TRERF1: variants seen among roughly 807,000 people sequenced by gnomAD.
TRERF1 encodes the protein transcriptional-regulating factor 1.
TRERF1 carries 27 observed loss-of-function variants against 122.9 expected under a neutral mutation model. That is an observed-to-expected ratio of 0.22 (90% confidence interval 0.16 to 0.30). The LOEUF is 0.30. Ranked by LOEUF, TRERF1 falls within the 10% of genes least tolerant of loss-of-function variation. The pLI is 1.00. For missense variants in TRERF1, 1,248 were observed against 1,560.3 expected (o/e 0.80, Z 3.37); for synonymous variants, 636 against 641.7 (o/e 0.99, Z 0.13).
chr6:42,396,718 T>C (rs1177970161), intron 2 of TRERF1, among the ~76,000 whole-genome samples: 1 of 152,144 alleles, frequency 6.6e-6, no homozygotes, highest in African/African-American at 2.4e-5. Context: ...AGAGAACATA[T>C]ATAACTTGGG....
rs369912575 is a variant in TRERF1 at position 42,259,157 on chromosome 6, C to T, written c.2269+182G>A. ...ATGCATCTGTCTCCCAATTAGACTG[C>T]GATTCCCTTGAGGATAAGGGCTATG... On this transcript the variant is annotated intron_variant, in intron 9 of 17. Coordinates refer to ENST00000372922, the Ensembl canonical transcript of TRERF1. This position sits in a 1 kb window ranked among gnomAD's most constrained non-coding sequence, Gnocchi z 4.9. Among the ~76,000 whole-genome samples the T allele has an allele frequency of 1.4e-4, 21 of 152,280 alleles. 2 individuals are homozygous for T. Among genetic ancestry groups the T allele is most frequent in the African/African-American group, 1.7e-4 (7 of 41,546 alleles).
Position 42,228,589 on chromosome 6 carries a change from T to C in TRERF1, c.3359A>G (p.Gln1120Arg), listed in dbSNP as rs886880496. The change falls in exon 18 of 18, where the codon CAG becomes CGG. Residue 1120 changes from glutamine to arginine, a missense_variant. Physicochemically the swap from Gln to Arg is conservative, Grantham distance 43. Around this residue, in one of 5 missense-constraint regions of TRERF1, gnomAD observed 84 missense variants for 116.0 expected, o/e 0.72. Transcript: ENST00000372922. This position sits in a 1 kb window ranked among gnomAD's most constrained non-coding sequence, Gnocchi z 4.2. ...CATCTCAGCTGCAAAAGCCGCCTTC[T>C]GAGCCTTTTGCCTCTGTTGTTCCTC... 39 of 1,614,266 alleles carry C rather than the reference T, an allele frequency of 2.4e-5. No individual in the cohort carries two copies. The highest frequency in any genetic ancestry group is 3.3e-5 in the Non-Finnish European group (39 of 1,180,044).
intron 3 of TRERF1, among the ~76,000 whole-genome samples, chr6:42,338,033 C>A (rs565927655): frequency 2.6e-5 from 4 of 152,120 alleles, no homozygotes. Flanking sequence ...TTAACAAGAG[C>A]CCCCAGGTGA....
intron 2 of TRERF1, among the ~76,000 whole-genome samples, chr6:42,421,919 G>A (rs1440093533): frequency 6.6e-6 from 1 of 151,492 alleles, no homozygotes; most frequent in Admixed American, 6.6e-5. Flanking sequence ...TGTAATCCCA[G>A]CACTTTGGGA....
At chr6:42,408,209 A>ATGTGTGTGTG (rs1491367009) in intron 2 of TRERF1, among the ~76,000 whole-genome samples, 1 of 66,674 alleles carries the variant, frequency 1.5e-5, no homozygotes, top group Non-Finnish European at 3.0e-5. Flanking sequence ...CTATATAAAT[A>ATGTGTGTGTG]AATATATATA....
At chr6:42,288,549 C>T (rs1215987874) in intron 4 of TRERF1, among the ~76,000 whole-genome samples, 7 of 107,324 alleles carry the variant, frequency 6.5e-5, no homozygotes, top group Non-Finnish European at 1.2e-4. Context: ...GCCTGGGCAA[C>T]AAGAGCGAAA....
chr6:42,312,067 A>T (rs1038939562), intron 3 of TRERF1, among the ~76,000 whole-genome samples: 4 of 152,170 alleles, frequency 2.6e-5, no homozygotes, highest in African/African-American at 7.2e-5. Flanking sequence ...GAGTTCCATG[A>T]TCAACTTGAA....
chr6:42,242,357 C>A (rs1245309300), intron 15 of TRERF1, among the ~76,000 whole-genome samples: 1 of 151,712 alleles, frequency 6.6e-6, no homozygotes, highest in African/African-American at 2.4e-5. Context: ...ATGTGCTAAC[C>A]CTTACAACTG....
intron 2 of TRERF1, among the ~76,000 whole-genome samples, chr6:42,410,508 A>G (rs1780956363): frequency 6.6e-6 from 1 of 152,240 alleles, no homozygotes; most frequent in Admixed American, 6.5e-5. Flanking sequence ...GGAAAAATTA[A>G]TAAAGAATAC....
At chr6:42,283,680 G>A (rs1482176089) in intron 4 of TRERF1, among the ~76,000 whole-genome samples, 1 of 140,212 alleles carries the variant, frequency 7.1e-6, no homozygotes, top group Non-Finnish European at 1.5e-5. Flanking sequence ...GCCATGGCAC[G>A]ATCTCGGCTC....
intron 2 of TRERF1, among the ~76,000 whole-genome samples, chr6:42,364,511 G>A (rs1267758078): frequency 1.2e-4 from 18 of 152,234 alleles, no homozygotes; most frequent in Admixed American, 1.2e-3. Flanking sequence ...AATAGCTGTT[G>A]AAAGACTTTG....
intron 3 of TRERF1, among the ~76,000 whole-genome samples, chr6:42,325,160 A>T (rs1764075499): frequency 6.6e-6 from 1 of 152,252 alleles, no homozygotes; most frequent in South Asian, 2.1e-4. Context: ...AAAAATGCTC[A>T]ACATCGCTAA....
rs1554152190 is a variant in TRERF1, at chr6:42,299,116, CTCTA to C, written c.-259+1518_-259+1521del. Among the ~76,000 whole-genome samples, 818 of 141,770 alleles carry C rather than the reference CTCTA, an allele frequency of 5.8e-3. 11 individuals are homozygous for C. Among genetic ancestry groups the C allele is most frequent in the African/African-American group, 0.017 (632 of 37,474 alleles). 93.0% of individuals were successfully genotyped at this position (141,770 alleles called of 152,430 possible). On this transcript the variant is annotated intron_variant, in intron 4 of 17. Transcript: ENST00000372922. The stretch of plus-strand genomic sequence containing the variant: ...TCTATCTGTCTGTCTGTCTGTCTGT[CTCTA>C]TCTATCTATCTATCTACATATATAT...
intron 3 of TRERF1, among the ~76,000 whole-genome samples, chr6:42,336,834 C>T (rs1397165075): frequency 6.6e-6 from 1 of 152,182 alleles, no homozygotes; most frequent in African/African-American, 2.4e-5. Flanking sequence ...CTCATGGCTG[C>T]TGCTTAGTGT....
exon 16 of TRERF1, chr6:42,236,206 G>A (rs1772142972): frequency 6.3e-7 from 1 of 1,576,136 alleles, no homozygotes; most frequent in African/African-American, 1.4e-5. Context: ...CACACTTACA[G>A]CCCCACAGTT....
intron 3 of TRERF1, among the ~76,000 whole-genome samples, chr6:42,322,685 A>G (rs1293963627): frequency 6.6e-6 from 1 of 152,210 alleles, no homozygotes; most frequent in Non-Finnish European, 1.5e-5. Context: ...GCATGCAGAG[A>G]CTAAGTATGA....
chr6:42,401,153 G>C (rs931993152), intron 2 of TRERF1, among the ~76,000 whole-genome samples: 1 of 152,154 alleles, frequency 6.6e-6, no homozygotes, highest in Non-Finnish European at 1.5e-5. Flanking sequence ...TATTCTATGG[G>C]GGCCAGCAGC....
At chr6:42,434,416 T>G (rs1784936835) in intron 2 of TRERF1, among the ~76,000 whole-genome samples, 1 of 150,198 alleles carries the variant, frequency 6.7e-6, no homozygotes, top group South Asian at 2.1e-4. Context: ...AAAAAACAGA[T>G]ATGTTACTTT....
intron 3 of TRERF1, among the ~76,000 whole-genome samples, chr6:42,328,955 A>G (rs886462986): frequency 1.3e-5 from 2 of 152,216 alleles, no homozygotes; most frequent in African/African-American, 4.8e-5. Flanking sequence ...ATAAGTGGGG[A>G]GGAAAGAGGC....
Sources: gnomAD v4.1 joint callset for allele counts (sites outside exome capture counted in the v4.1 genomes callset) on GRCh38, gnomAD v4.1.1 for gene constraint, gnomAD v4.1.1 regional missense constraint, Gnocchi (gnomAD v3.1) non-coding constraint, MANE v1.5 for transcripts, NCBI Gene and HGNC (gene_info 2026-07-23, HGNC 2026-07-21) for gene names.